The following LINGO2 variants were observed in gnomAD, a reference collection of about 807,000 sequenced individuals.
LINGO2 encodes leucine-rich repeat and immunoglobulin-like domain-containing nogo receptor-interacting protein 2.
In LINGO2, 14 loss-of-function variants were observed where a neutral mutation model predicts 30.6. That is an observed-to-expected ratio of 0.46 (90% CI 0.30 to 0.72). The LOEUF is 0.72. Among genes scored for constraint, LINGO2 ranks in the 30% least tolerant of loss-of-function variants. The probability of loss-of-function intolerance (pLI) is 0.07; values close to 1 mark genes in which losing one functional copy is unlikely to be tolerated. For synonymous variants in LINGO2, 317 were observed against 288.5 expected, an observed-to-expected ratio of 1.10 and a Z score of -1.00; for missense variants, 729 against 751.7, an observed-to-expected ratio of 0.97 and a Z score of 0.35.
intron 1 of LINGO2, among the ~76,000 whole-genome samples, chr9:28,590,732 C>T (rs1295895066): frequency 4.6e-5 from 7 of 152,076 alleles, no homozygotes; most frequent in South Asian, 2.1e-4. Flanking sequence ...AGTTCAACCA[C>T]TGTGGAAGTC....
At chr9:28,944,176 C>T in the LINGO2 span, among the ~76,000 whole-genome samples, 25 of 152,130 alleles carry the variant, frequency 1.6e-4, no homozygotes, top group Admixed American at 2.0e-4. Flanking sequence ...TGGCTCACCA[C>T]GACATCTCAT....
At chr9:29,115,984 A>T in the LINGO2 span, among the ~76,000 whole-genome samples, 2 of 152,036 alleles carry the variant, frequency 1.3e-5, no homozygotes, top group South Asian at 4.1e-4. Flanking sequence ...TGCTAAATTC[A>T]TTTGTGGCTA....
At chr9:28,445,574 T>A (rs998659694) in intron 2 of LINGO2, among the ~76,000 whole-genome samples, 6 of 152,140 alleles carry the variant, frequency 3.9e-5, no homozygotes, top group African/African-American at 1.4e-4. Context: ...TTATTTTTTT[T>A]ACATATTTTA....
chr9:28,565,860 G>A (rs72713596), intron 1 of LINGO2, among the ~76,000 whole-genome samples: 11,861 of 152,076 alleles, frequency 0.078, 721 homozygotes, highest in African/African-American at 0.16. Flanking sequence ...AGCCCAAAAG[G>A]ATTATTTTCT....
chr9:28,937,808 T>C, the LINGO2 span, among the ~76,000 whole-genome samples: 1 of 152,090 alleles, frequency 6.6e-6, no homozygotes, highest in Non-Finnish European at 1.5e-5. Context: ...TCCACTTTTA[T>C]TTTAAGTTCA....
intron 2 of LINGO2, among the ~76,000 whole-genome samples, chr9:28,432,470 A>C (rs1359510705): frequency 6.6e-6 from 1 of 151,972 alleles, no homozygotes; most frequent in Admixed American, 6.6e-5. Context: ...GGAACTGATG[A>C]TGGAAAAAAT....
At chr9:28,768,194 T>C in the LINGO2 span, among the ~76,000 whole-genome samples, 2 of 152,210 alleles carry the variant, frequency 1.3e-5, no homozygotes, top group African/African-American at 4.8e-5. Flanking sequence ...TTTCTCGTTG[T>C]TAGTTTACAA....
chr9:28,769,600 T>C, the LINGO2 span, among the ~76,000 whole-genome samples: 11 of 144,462 alleles, frequency 7.6e-5, no homozygotes, highest in African/African-American at 2.6e-4. Flanking sequence ...TTCAAAAATT[T>C]TGATGTTGCC....
intron 5 of LINGO2, among the ~76,000 whole-genome samples, chr9:27,970,403 T>C: frequency 6.6e-6 from 1 of 152,200 alleles, no homozygotes; most frequent in Non-Finnish European, 1.5e-5. Context: ...AAGAAACGTA[T>C]CTTTCTTTGT....
intron 3 of LINGO2, among the ~76,000 whole-genome samples, chr9:28,309,769 A>G (rs1007335887): frequency 6.6e-6 from 1 of 152,034 alleles, no homozygotes. Flanking sequence ...CAAGTTACAT[A>G]AAAAACTCGT....
intron 1 of LINGO2, among the ~76,000 whole-genome samples, chr9:28,498,057 A>G (rs1362518884): frequency 6.6e-6 from 1 of 152,152 alleles, no homozygotes; most frequent in Non-Finnish European, 1.5e-5. Context: ...GTGAGGTGTC[A>G]GTCTGCCCCT....
chr9:28,256,595 G>A (rs76383429), intron 4 of LINGO2, among the ~76,000 whole-genome samples: 4,543 of 151,954 alleles, frequency 0.03, 210 homozygotes, highest in African/African-American at 0.1. Context: ...AAAAAGTAAT[G>A]TCTGAGCAAA....
At chr9:29,043,115 G>C in the LINGO2 span, among the ~76,000 whole-genome samples, 1 of 151,862 alleles carries the variant, frequency 6.6e-6, no homozygotes, top group African/African-American at 2.4e-5. Context: ...GCAAGAAAAA[G>C]TAGACTGAAC....
At chr9:28,047,251 T>G (rs754983918) in intron 4 of LINGO2, among the ~76,000 whole-genome samples, 1 of 152,150 alleles carries the variant, frequency 6.6e-6, no homozygotes, top group African/African-American at 2.4e-5. Flanking sequence ...CAACCTGTAG[T>G]GATCTGACTC....
chr9:28,576,931 A>T lies in LINGO2; in HGVS notation c.-365+93269T>A, dbSNP rs535926630. Among the ~76,000 whole-genome samples, 156 of 152,316 alleles carry T rather than the reference A, an allele frequency of 1.0e-3. 1 individual carries two copies. Among genetic ancestry groups the T allele is most frequent in the African/African-American group, 3.5e-3 (147 of 41,574 alleles). ...TATTTAAGAACTGCAAAATTTTTTAAATCGCTTTTGCAAAAATTGTAACAG... is the reference window on the plus strand; with the variant it reads ...TATTTAAGAACTGCAAAATTTTTTATATCGCTTTTGCAAAAATTGTAACAG... On this transcript the variant is annotated intron_variant, in intron 1 of 5. Transcript: ENST00000379992.
chr9:28,885,989 G>C, the LINGO2 span, among the ~76,000 whole-genome samples: 1 of 152,126 alleles, frequency 6.6e-6, no homozygotes, highest in South Asian at 2.1e-4. Context: ...ACAAGTGAGA[G>C]TAACTATACA....
chr9:29,100,610 CA>C, the LINGO2 span, among the ~76,000 whole-genome samples: 1 of 149,856 alleles, frequency 6.7e-6, no homozygotes, highest in Non-Finnish European at 1.5e-5. Context: ...AAAAAAGCTA[CA>C]AAAAATAGTT....
At chr9:28,737,579 T>A in the LINGO2 span, among the ~76,000 whole-genome samples, 5 of 152,188 alleles carry the variant, frequency 3.3e-5, no homozygotes, top group Non-Finnish European at 5.9e-5. Flanking sequence ...GCAGAGCAAG[T>A]ATTCTACTGA....
chr9:28,742,447 C>T, the LINGO2 span, among the ~76,000 whole-genome samples: 1 of 151,164 alleles, frequency 6.6e-6, no homozygotes, highest in African/African-American at 2.4e-5. Flanking sequence ...CCCTAAACTA[C>T]TTTTTTCTGG....
Sources: gnomAD v4.1 joint callset for allele counts (sites outside exome capture counted in the v4.1 genomes callset) on GRCh38, gnomAD v4.1.1 for gene constraint, MANE v1.5 for transcripts, NCBI Gene and HGNC (gene_info 2026-07-23, HGNC 2026-07-21) for gene names.